PDE7A: variants seen among roughly 807,000 people sequenced by gnomAD.
PDE7A encodes the protein high affinity 3',5'-cyclic-AMP phosphodiesterase 7A.
A neutral mutation model predicts 64.3 loss-of-function variants in PDE7A; 39 were observed. The observed-to-expected ratio is 0.61, with a 90% CI of 0.47 to 0.79. The LOEUF (loss-of-function observed/expected upper bound fraction) is 0.79, where lower values mean the gene tolerates loss of function less well. PDE7A is among the 30% of genes least tolerant of loss of function. PDE7A has a pLI of 0.00. For missense variants in PDE7A, 470 were observed against 582.8 expected (o/e 0.81, Z 1.99); for synonymous variants, 203 against 206.8 (o/e 0.98, Z 0.16).
chr8:65,725,588 T>C (rs1199953479), intron 9 of PDE7A: 1 of 152,468 alleles, frequency 6.6e-6, no homozygotes, highest in Admixed American at 6.5e-5. Context: ...AAGATAAACA[T>C]ACTTAAAAAA....
chr8:65,825,364 G>A (rs947498394), intron 1 of PDE7A, among the ~76,000 whole-genome samples: 17 of 152,120 alleles, frequency 1.1e-4, no homozygotes, highest in Non-Finnish European at 1.2e-4. Flanking sequence ...CCAATGGACA[G>A]GGCTCCTATT....
At chr8:65,782,955 T>C (rs1041506818) in intron 1 of PDE7A, 112 bp from the exon 2 acceptor site, 9 of 652,346 alleles carry the variant, frequency 1.4e-5, no homozygotes, top group African/African-American at 1.3e-4. Flanking sequence ...GCAAGAGAAG[T>C]TGGATACACA....
intron 7 of PDE7A, 189 bp from the exon 8 acceptor site, chr8:65,727,490 G>T: frequency 4.7e-6 from 3 of 634,396 alleles, no homozygotes; most frequent in Non-Finnish European, 7.6e-6. Context: ...CACCACACTG[G>T]CAAAGCCATG....
At position 65,778,646 on chromosome 8, in the gene PDE7A, G is replaced by T. The variant is rs536944106; in HGVS notation, c.283+1074C>A. 2.0e-5 allele frequency among the ~76,000 whole-genome samples: 3 copies of T among 152,116 alleles called. No homozygotes were observed. The South Asian group carries it at 6.2e-4, about 32-fold the overall frequency. On this transcript the variant is annotated intron_variant, in intron 3 of 12. Coordinates refer to ENST00000401827, the MANE Select transcript of PDE7A (RefSeq NM_001242318.3). ...CTGGGAGAGGTAATCCTCCTCCGAG[G>T]CCCCGAGTGTCCCTACACATTCTTA... is the stretch of plus-strand genomic sequence containing the variant.
At chr8:65,720,917 GC>G in intron 12 of PDE7A, among the ~76,000 whole-genome samples, 1 of 152,240 alleles carries the variant, frequency 6.6e-6, no homozygotes, top group African/African-American at 2.4e-5. Context: ...TACCCACATG[GC>G]CCTTATTATT....
At chr8:65,840,086 A>G (rs1450279395) in intron 1 of PDE7A, among the ~76,000 whole-genome samples, 1 of 152,230 alleles carries the variant, frequency 6.6e-6, no homozygotes, top group Non-Finnish European at 1.5e-5. Flanking sequence ...CTCAACATTA[A>G]TTCTGGAATC....
chr8:65,815,639 G>A (rs1030420336), intron 1 of PDE7A, among the ~76,000 whole-genome samples: 1 of 110,522 alleles, frequency 9.0e-6, no homozygotes. Context: ...TTCTCAAAGT[G>A]TGCTACATAC....
intron 3 of PDE7A, among the ~76,000 whole-genome samples, chr8:65,751,658 A>T (rs1042479081): frequency 3.3e-5 from 5 of 151,914 alleles, no homozygotes; most frequent in African/African-American, 4.8e-5. Flanking sequence ...ACACCCAGCT[A>T]ATTTTGTATT....
chr8:65,784,779 A>C (rs182329444), intron 1 of PDE7A, among the ~76,000 whole-genome samples: 1 of 152,260 alleles, frequency 6.6e-6, no homozygotes, highest in East Asian at 1.9e-4. Flanking sequence ...AAGACTAAAA[A>C]GCTGTAGAAA....
intron 9 of PDE7A, among the ~76,000 whole-genome samples, chr8:65,726,168 C>T (rs1436483553): frequency 6.6e-6 from 1 of 152,180 alleles, no homozygotes; most frequent in Non-Finnish European, 1.5e-5. Context: ...TTTCAATCCA[C>T]TTTCATGGTT....
intron 3 of PDE7A, 116 bp from the exon 4 acceptor site, chr8:65,747,919 TACC>T: frequency 1.9e-6 from 1 of 528,922 alleles, no homozygotes; most frequent in Non-Finnish European, 3.2e-6. Flanking sequence ...TAAATAATTA[TACC>T]ACATTTCCAT....
intron 3 of PDE7A, among the ~76,000 whole-genome samples, chr8:65,752,647 T>C (rs1808020511): frequency 6.6e-6 from 1 of 152,196 alleles, no homozygotes; most frequent in Non-Finnish European, 1.5e-5. Context: ...TTCTGGGTCA[T>C]TTTTGCCTGG....
At chr8:65,766,640 C>G (rs1032002084) in intron 3 of PDE7A, among the ~76,000 whole-genome samples, 1 of 152,208 alleles carries the variant, frequency 6.6e-6, no homozygotes, top group Non-Finnish European at 1.5e-5. Context: ...CATGCATCAC[C>G]CTCTCTCTAT....
Position 65,723,585 on chromosome 8 carries a change from G to A in PDE7A, c.1199C>T (p.Pro400Leu), listed in dbSNP as rs148083866. ...AGATTCAGTGTGACGATCGCAAAGT[G>A]GACTCACACCCAAATGATATTTTTT... ...IEKKYHLGVS[P>L]LCDRHTESIA... Residue 400 changes from proline (P) to leucine (L), a missense_variant, in exon 12 of 13, where the codon CCA becomes CTA. Physicochemically the swap from Pro to Leu is moderately conservative, Grantham distance 98. Coordinates refer to ENST00000401827, the MANE Select transcript of PDE7A (RefSeq NM_001242318.3). The A allele has an allele frequency of 5.1e-4, 804 of 1,580,458 alleles. No individual in the cohort carries two copies. Among genetic ancestry groups the A allele is most frequent in the Non-Finnish European group, 6.6e-4 (766 of 1,165,466 alleles).
chr8:65,807,850 G>C (rs1461710205), intron 1 of PDE7A, among the ~76,000 whole-genome samples: 2 of 152,184 alleles, frequency 1.3e-5, no homozygotes, highest in East Asian at 3.8e-4. Flanking sequence ...CAGAACATGG[G>C]TCAGTGATGA....
chr8:65,816,629 C>T (rs530100615), intron 1 of PDE7A, among the ~76,000 whole-genome samples: 1 of 152,190 alleles, frequency 6.6e-6, no homozygotes, highest in Non-Finnish European at 1.5e-5. Flanking sequence ...GACTTCTTCA[C>T]AGACAGTTTT....
At chr8:65,741,465 A>G (rs1157279438) in intron 5 of PDE7A, among the ~76,000 whole-genome samples, 3 of 152,262 alleles carry the variant, frequency 2.0e-5, no homozygotes, top group Non-Finnish European at 4.4e-5. Context: ...AGCTGATGAA[A>G]AAGTACATTA....
intron 1 of PDE7A, among the ~76,000 whole-genome samples, chr8:65,830,852 T>C (rs552303318): frequency 6.6e-6 from 1 of 152,004 alleles, no homozygotes; most frequent in East Asian, 1.9e-4. Context: ...TGCAGAAAAA[T>C]ATAACATGAT....
At chr8:65,765,961 T>A (rs938889590) in intron 3 of PDE7A, among the ~76,000 whole-genome samples, 10 of 152,232 alleles carry the variant, frequency 6.6e-5, no homozygotes, top group African/African-American at 2.4e-4. Flanking sequence ...TTATTTATTT[T>A]TTGAGATGGA....
Sources: gnomAD v4.1 joint callset for allele counts (sites outside exome capture counted in the v4.1 genomes callset) on GRCh38, gnomAD v4.1.1 for gene constraint, MANE v1.5 for transcripts, NCBI Gene and HGNC (gene_info 2026-07-23, HGNC 2026-07-21) for gene names.